The following MYH9 variants were observed in gnomAD, a reference collection of about 807,000 sequenced individuals.
MYH9 encodes myosin-9.
In MYH9, 29 loss-of-function variants were observed where a neutral mutation model predicts 241.9. The ratio of observed to expected loss-of-function variants is 0.12; its 90% CI spans 0.09 to 0.16. The LOEUF is 0.16. Among genes scored for constraint, MYH9 ranks in the 10% least tolerant of loss-of-function variants. MYH9 has a pLI of 1.00. For synonymous variants in MYH9, 1,047 were observed against 1,062.6 expected (o/e 0.99, Z 0.29); for missense variants, 1,803 against 2,595.5 (o/e 0.69, Z 6.63).
chr22:36,325,827 C>A (rs1270159771), intron 5 of MYH9, among the ~76,000 whole-genome samples: 2 of 152,198 alleles, frequency 1.3e-5, no homozygotes, highest in East Asian at 3.9e-4. Context: ...TCAGAGTGCA[C>A]AGGAGGTCAC....
intron 1 of MYH9, among the ~76,000 whole-genome samples, chr22:36,385,524 A>G (rs965011619): frequency 6.6e-6 from 1 of 152,196 alleles, no homozygotes; most frequent in African/African-American, 2.4e-5. Flanking sequence ...TCATCCTACG[A>G]GAGAGAAGTT....
At chr22:36,361,008 T>G (rs921884637) in intron 1 of MYH9, among the ~76,000 whole-genome samples, 22 of 152,194 alleles carry the variant, frequency 1.4e-4, no homozygotes, top group African/African-American at 5.3e-4. Context: ...AGCAGTTATC[T>G]ACAGGGTGGG....
In MYH9 at chr22:36,293,581, T is replaced by A; in HGVS notation, c.3943-100A>T. 5 of 1,537,068 alleles carry A rather than the reference T, an allele frequency of 3.3e-6. No homozygotes were observed. Among genetic ancestry groups the A allele is most frequent in the Non-Finnish European group, 4.5e-6 (5 of 1,122,090 alleles). On this transcript the variant is annotated intron_variant, in intron 29 of 40. Coordinates refer to ENST00000216181, the MANE Select transcript of MYH9 (RefSeq NM_002473.6). The surrounding 1 kb of genome is among the most constrained non-coding windows in gnomAD (Gnocchi z 5.1). Reference sequence around the variant, plus strand: ...GAGAGGGAGGAGCTGGTCCTGCTGATTTAGGGGATGGCCACGTAAAGACCT... The same window carrying A: ...GAGAGGGAGGAGCTGGTCCTGCTGAATTAGGGGATGGCCACGTAAAGACCT...
rs755112892 is a variant in MYH9, at chr22:36,285,639, G to C, written c.5274+19C>G. On this transcript the variant is annotated intron_variant, in intron 37 of 40. Coordinates refer to ENST00000216181, the MANE Select transcript of MYH9 (RefSeq NM_002473.6). This position sits in a 1 kb window ranked among gnomAD's most constrained non-coding sequence, Gnocchi z 7.0. ...TGGCTCCAGCCAGAGCCCAGAGTGG[G>C]AGAAGTCCTGGCACCCACCTGCAGG... The C allele has an allele frequency of 6.2e-7, 1 of 1,611,644 alleles. No individual in the cohort carries two copies. The highest frequency in any genetic ancestry group is 1.7e-5 in the Admixed American group (1 of 60,008).
intron 1 of MYH9, among the ~76,000 whole-genome samples, chr22:36,353,737 C>A (rs1002878992): frequency 1.1e-4 from 16 of 149,380 alleles, no homozygotes; most frequent in Middle Eastern, 3.5e-3. Flanking sequence ...CTCCCCCCAC[C>A]GCCTCTCCCC....
At chr22:36,309,102 T>G (rs1038176677) in intron 15 of MYH9, among the ~76,000 whole-genome samples, 180 bp downstream of exon 15, 1 of 152,176 alleles carries the variant, frequency 6.6e-6, no homozygotes, top group Admixed American at 6.5e-5. Flanking sequence ...GCAAGGGCAG[T>G]GGCCTCCTGT....
intron 14 of MYH9, among the ~76,000 whole-genome samples, chr22:36,310,905 G>A (rs919558788): frequency 6.6e-6 from 1 of 152,236 alleles, no homozygotes; most frequent in Non-Finnish European, 1.5e-5. Flanking sequence ...TTGGTTAATG[G>A]TGTAAATCGC....
At position 36,314,166 on chromosome 22, in the gene MYH9, G is replaced by A; in HGVS notation, c.1533C>T (p.Cys511=). 6.2e-7 allele frequency: 1 copy of A among 1,614,216 alleles called. No homozygotes were observed. The highest frequency in any genetic ancestry group is 1.1e-5 in the South Asian group (1 of 91,086). The change falls in exon 13 of 41, where the codon TGC becomes TGT. Residue 511 remains cysteine (C), a synonymous_variant. Coordinates refer to ENST00000216181, the MANE Select transcript of MYH9 (RefSeq NM_002473.6). ...FIDFGLDLQP[C]IDLIEKPAGP... is the part of the protein sequence containing the mutation. ...TCACTGGCTTCTCAATGAGGTCGAT[G>A]CAGGGCTGCAGGTCGAGGCCAAAGT...
intron 4 of MYH9, 65 bp from the exon 5 acceptor site, chr22:36,326,726 C>T (rs2017341614): frequency 4.5e-6 from 6 of 1,333,692 alleles, no homozygotes; most frequent in Non-Finnish European, 6.5e-6. Flanking sequence ...CTGTCCCTTC[C>T]CACTGCACGC....
chr22:36,293,501 G>A lies in MYH9; in HGVS notation c.3943-20C>T, dbSNP rs1042262244. 4 of 1,611,702 alleles carry A rather than the reference G, an allele frequency of 2.5e-6. No homozygotes were observed. Among genetic ancestry groups the A allele is most frequent in the African/African-American group, 2.7e-5 (2 of 74,882 alleles). ...CAGCTCCTACTCGCGGGTTGAGAGG[G>A]GTGCGGGTGCTTAGGAGGGTGGTGT... is the stretch of plus-strand genomic sequence containing the variant. On this transcript the variant is annotated intron_variant, in intron 29 of 40. Coordinates refer to ENST00000216181, the MANE Select transcript of MYH9 (RefSeq NM_002473.6). This position sits in a 1 kb window ranked among gnomAD's most constrained non-coding sequence, Gnocchi z 5.1.
At chr22:36,292,655 G>A (rs1230110700) in intron 30 of MYH9, among the ~76,000 whole-genome samples, 2 of 152,232 alleles carry the variant, frequency 1.3e-5, no homozygotes, top group East Asian at 3.8e-4. Flanking sequence ...CCTGACTGTG[G>A]AATGGACTCC....
chr22:36,321,315 T>C (rs2017247456), intron 7 of MYH9, among the ~76,000 whole-genome samples: 1 of 152,210 alleles, frequency 6.6e-6, no homozygotes. Flanking sequence ...TGGCACAAAA[T>C]GGCAAAACAC....
intron 1 of MYH9, among the ~76,000 whole-genome samples, chr22:36,384,229 C>T (rs948180604): frequency 6.6e-6 from 1 of 151,390 alleles, no homozygotes; most frequent in South Asian, 2.1e-4. Context: ...TGAGATTGTG[C>T]CACTGCACTC....
Position 36,288,498 on chromosome 22 carries a change from G to A in MYH9, c.4771-85C>T. On this transcript the variant is annotated intron_variant, in intron 33 of 40. Transcript: ENST00000216181. This position sits in a 1 kb window ranked among gnomAD's most constrained non-coding sequence, Gnocchi z 4.8. Reference sequence around the variant, plus strand: ...CTCTGAACTCAGGAGCCTCAGGCCAGTTCTGCAGGATCCATGGGGCCTCGG... The same window carrying A: ...CTCTGAACTCAGGAGCCTCAGGCCAATTCTGCAGGATCCATGGGGCCTCGG... 6.4e-7 allele frequency: 1 copy of A among 1,561,462 alleles called. No individual in the cohort carries two copies. Among genetic ancestry groups the A allele is most frequent in the Non-Finnish European group, 8.7e-7 (1 of 1,145,884 alleles).
At chr22:36,374,843 C>G (rs564260359) in intron 1 of MYH9, among the ~76,000 whole-genome samples, 2 of 152,304 alleles carry the variant, frequency 1.3e-5, no homozygotes, top group South Asian at 2.1e-4. Flanking sequence ...CTTCACCAAC[C>G]TGAATCACCC....
At chr22:36,359,191 T>C (rs555064796) in intron 1 of MYH9, among the ~76,000 whole-genome samples, 22 of 152,368 alleles carry the variant, frequency 1.4e-4, no homozygotes, top group African/African-American at 4.6e-4. Flanking sequence ...TAAATACTCA[T>C]TATTTGTAGT....
intron 1 of MYH9, among the ~76,000 whole-genome samples, chr22:36,378,771 G>T (rs1012627345): frequency 2.6e-5 from 4 of 152,016 alleles, no homozygotes; most frequent in African/African-American, 9.7e-5. Context: ...AGACTCTTAA[G>T]GAAAGATTAA....
At chr22:36,298,380 C>A (rs1249286127) in intron 24 of MYH9, among the ~76,000 whole-genome samples, 3 of 152,190 alleles carry the variant, frequency 2.0e-5, no homozygotes. Flanking sequence ...GGATTTGTCA[C>A]CCTGCCCCAA....
chr22:36,373,352 G>A (rs1398597644), intron 1 of MYH9, among the ~76,000 whole-genome samples: 1 of 152,094 alleles, frequency 6.6e-6, no homozygotes, highest in Middle Eastern at 3.2e-3. Flanking sequence ...TGGTCCCTTG[G>A]AGACTTCTTC....
Sources: gnomAD v4.1 joint callset for allele counts (sites outside exome capture counted in the v4.1 genomes callset) on GRCh38, gnomAD v4.1.1 for gene constraint, Gnocchi (gnomAD v3.1) non-coding constraint, MANE v1.5 for transcripts, NCBI Gene and HGNC (gene_info 2026-07-23, HGNC 2026-07-21) for gene names.